Variants in UPK1B observed in about 807,000 individuals in gnomAD.
The protein encoded by UPK1B is uroplakin 1B.
UPK1B carries 28 observed loss-of-function variants against 34.2 expected under a neutral mutation model. That is an observed-to-expected ratio of 0.82 (90% CI 0.61 to 1.12). UPK1B has a LOEUF of 1.12. UPK1B is among the 50% of genes most tolerant of loss of function. The pLI, the probability that UPK1B is intolerant of heterozygous loss-of-function variation, is 0.00. For missense variants in UPK1B, 325 were observed against 320.9 expected (o/e 1.01, Z -0.10); for synonymous variants, 81 against 110.4 (o/e 0.73, Z 1.67).
At chr3:119,193,808 T>C (rs1403470646) in intron 5 of UPK1B, among the ~76,000 whole-genome samples, 1 of 152,226 alleles carries the variant, frequency 6.6e-6, no homozygotes, top group African/African-American at 2.4e-5. Flanking sequence ...AATATATTAG[T>C]ACAGTATCAA....
rs138448087 is a variant in UPK1B, at chr3:119,190,273, C to A, written c.299C>A (p.Ala100Asp). The A allele has an allele frequency of 1.9e-4, 312 of 1,611,674 alleles. No individual in the cohort carries two copies. Among genetic ancestry groups the A allele is most frequent in the Non-Finnish European group, 2.6e-4 (301 of 1,178,488 alleles). Residue 100 changes from alanine (A) to aspartate (D), a missense_variant, in exon 4 of 8, where the codon GCC becomes GAC. By Grantham distance (126) the Ala-to-Asp change is moderately radical (BLOSUM62 -2). Coordinates refer to ENST00000264234, the MANE Select transcript of UPK1B (RefSeq NM_006952.4). ...AYFILMFIVY[A>D]FEVASCITAA... ...TTCATTCTGATGTTTATAGTATATGCCTTTGAAGTGGCATCTTGTATCACA... is the reference window on the plus strand; with the variant it reads ...TTCATTCTGATGTTTATAGTATATGACTTTGAAGTGGCATCTTGTATCACA...
rs147239270 is a variant in UPK1B at position 119,186,201 on chromosome 3, C to T, written c.-28-513C>T. Among the ~76,000 whole-genome samples, 46 of 152,294 alleles carry T rather than the reference C, an allele frequency of 3.0e-4. 1 individual carries two copies. The highest frequency in any genetic ancestry group is 9.6e-4 in the African/African-American group (40 of 41,574). ...CGTTTTCACTTACCCTCATATACAA[C>T]GGGGCACTTTTTTATTTGCCAACTA... is the stretch of plus-strand genomic sequence containing the variant. On this transcript the variant is annotated intron_variant, in intron 1 of 7. Transcript: ENST00000264234.
chr3:119,198,369 C>A (rs1249472813), intron 6 of UPK1B, among the ~76,000 whole-genome samples: 1 of 152,098 alleles, frequency 6.6e-6, no homozygotes, highest in African/African-American at 2.4e-5. Flanking sequence ...GCAGCTCTAG[C>A]CTTACATGCG....
intron 1 of UPK1B, among the ~76,000 whole-genome samples, chr3:119,179,096 T>C (rs1487096591): frequency 6.6e-6 from 1 of 151,648 alleles, no homozygotes. Context: ...CTCCACACTT[T>C]GGAAGGCCAA....
At chr3:119,194,465 C>T in intron 6 of UPK1B, 67 bp downstream of exon 6, 1 of 1,417,466 alleles carries the variant, frequency 7.1e-7, no homozygotes, top group South Asian at 1.4e-5. Context: ...AAATATTGGT[C>T]AACTGTAGGA....
intron 3 of UPK1B, among the ~76,000 whole-genome samples, chr3:119,189,445 G>A (rs1432607340): frequency 6.6e-6 from 1 of 152,226 alleles, no homozygotes; most frequent in Non-Finnish European, 1.5e-5. Flanking sequence ...TGGAACTCTT[G>A]CAAACAGTCC....
chr3:119,188,797 C>T lies in UPK1B; in HGVS notation c.270+822C>T, dbSNP rs572071110. ...CTCCAATCCCCCACCCCTGAAATAA[C>T]CCTTTTATTCAAATGCTGCAGGACC... On this transcript the variant is annotated intron_variant, in intron 3 of 7. Coordinates refer to ENST00000264234, the MANE Select transcript of UPK1B (RefSeq NM_006952.4). 2.0e-4 allele frequency among the ~76,000 whole-genome samples: 30 copies of T among 152,308 alleles called. 1 individual carries two copies. The highest frequency in any genetic ancestry group is 6.5e-4 in the African/African-American group (27 of 41,568).
chr3:119,197,444 G>T lies in UPK1B; in HGVS notation c.649-1613G>T, dbSNP rs575092684. On this transcript the variant is annotated intron_variant, in intron 6 of 7. Transcript: ENST00000264234. ...CAGCTAAATGCCCAGCCAGTACTTG[G>T]CACCTGGCATAAGTGGGCCCTTATA... 3.3e-5 allele frequency among the ~76,000 whole-genome samples: 5 copies of T among 152,232 alleles called. No homozygotes were observed. The East Asian group carries it at 9.7e-4, about 29-fold the overall frequency.
In UPK1B at chr3:119,204,226, T is replaced by C; in HGVS notation, c.*259T>C. ...ATTTGAAAAATGCATAATAACTACTTCCATCCCTGCTTATTTTTAATTTGG... is the reference window on the plus strand; with the variant it reads ...ATTTGAAAAATGCATAATAACTACTCCCATCCCTGCTTATTTTTAATTTGG... On this transcript the variant is annotated 3_prime_UTR_variant, in exon 8 of 8. Coordinates refer to ENST00000264234, the MANE Select transcript of UPK1B (RefSeq NM_006952.4). 2.3e-6 allele frequency: 1 copy of C among 439,918 alleles called. No individual in the cohort carries two copies. The highest frequency in any genetic ancestry group is 4.0e-6 in the Non-Finnish European group (1 of 248,032). The allele number at this position is 439,918 out of a possible 1,614,324, so 27.3% of individuals were successfully genotyped here.
chr3:119,190,894 C>A, intron 4 of UPK1B, 88 bp from the exon 5 acceptor site: 2 of 1,553,192 alleles, frequency 1.3e-6, no homozygotes, highest in Non-Finnish European at 1.7e-6. Context: ...TGTTCAGTGT[C>A]CCCAGGAAAA....
rs113583880 is a variant in UPK1B, at chr3:119,180,508, G to A, written c.-28-6206G>A. Among the ~76,000 whole-genome samples the A allele has an allele frequency of 3.8e-3, 583 of 152,202 alleles. 3 individuals are homozygous for A. Among genetic ancestry groups the A allele is most frequent in the African/African-American group, 0.013 (535 of 41,524 alleles). On this transcript the variant is annotated intron_variant, in intron 1 of 7. Coordinates refer to ENST00000264234, the MANE Select transcript of UPK1B (RefSeq NM_006952.4). ...ATTACAATACTTCTTTATCAGGCAG[G>A]CAGAGACAAAACTCAAGAAGCTATT... is the stretch of plus-strand genomic sequence containing the variant.
chr3:119,183,331 G>A (rs1238323624), intron 1 of UPK1B, among the ~76,000 whole-genome samples: 3 of 148,124 alleles, frequency 2.0e-5, no homozygotes, highest in Non-Finnish European at 3.0e-5. Flanking sequence ...GCCCAATCAT[G>A]GCTCACCACA....
intron 5 of UPK1B, 129 bp downstream of exon 5, chr3:119,191,233 T>C (rs2078042755): frequency 8.5e-7 from 1 of 1,179,192 alleles, no homozygotes; most frequent in Non-Finnish European, 1.2e-6. Context: ...GTTGGAATGA[T>C]TTTGTCAAGA....
At chr3:119,180,645 A>G (rs1349060178) in intron 1 of UPK1B, among the ~76,000 whole-genome samples, 1 of 150,104 alleles carries the variant, frequency 6.7e-6, no homozygotes, top group Non-Finnish European at 1.5e-5. Context: ...CCTATCCTCT[A>G]TGGAAAGGTC....
At chr3:119,186,256 A>T (rs1412867071) in intron 1 of UPK1B, among the ~76,000 whole-genome samples, 1 of 152,206 alleles carries the variant, frequency 6.6e-6, no homozygotes, top group African/African-American at 2.4e-5. Flanking sequence ...AGAGTCAGAA[A>T]ATGATAGTTT....
chr3:119,174,131 T>G (rs1382934402), intron 1 of UPK1B, among the ~76,000 whole-genome samples: 1 of 152,230 alleles, frequency 6.6e-6, no homozygotes, highest in Non-Finnish European at 1.5e-5. Flanking sequence ...TCAGAAATCA[T>G]TTGGTCCTGC....
chr3:119,192,557 C>G (rs541509129), intron 5 of UPK1B, among the ~76,000 whole-genome samples: 163 of 152,240 alleles, frequency 1.1e-3, no homozygotes, highest in African/African-American at 3.8e-3. Flanking sequence ...GCCTGCCACA[C>G]CTCTTCTCAC....
intron 1 of UPK1B, among the ~76,000 whole-genome samples, chr3:119,177,230 T>A (rs2077961072): frequency 6.6e-6 from 1 of 152,218 alleles, no homozygotes; most frequent in Admixed American, 6.5e-5. Flanking sequence ...CCAGCTTTGT[T>A]TATGTGGCTC....
At position 119,190,967 on chromosome 3, in the gene UPK1B, C is replaced by G; in HGVS notation, c.346-15C>G. Reference sequence around the variant, plus strand: ...GTGCTATCTCTCCCTCTTGTGTTGCCTCTTCCTACTATAGTTCACACCCAA... The same window carrying G: ...GTGCTATCTCTCCCTCTTGTGTTGCGTCTTCCTACTATAGTTCACACCCAA... On this transcript the variant is annotated splice_polypyrimidine_tract_variant and intron_variant, in intron 4 of 7. Transcript: ENST00000264234. 6.2e-7 allele frequency: 1 copy of G among 1,612,872 alleles called. No individual in the cohort carries two copies. Among genetic ancestry groups the G allele is most frequent in the South Asian group, 1.1e-5 (1 of 90,884 alleles).
Sources: gnomAD v4.1 joint callset for allele counts (sites outside exome capture counted in the v4.1 genomes callset) on GRCh38, gnomAD v4.1.1 for gene constraint, MANE v1.5 for transcripts, NCBI Gene and HGNC (gene_info 2026-07-23, HGNC 2026-07-21) for gene names.